The following BMX variants were observed in gnomAD, a reference collection of about 807,000 sequenced individuals.
BMX encodes BMX non-receptor tyrosine kinase.
Under a neutral mutation model 59.2 loss-of-function variants are expected in BMX, and 31 were observed. That is an observed-to-expected ratio of 0.52 (90% CI 0.39 to 0.71). The LOEUF (loss-of-function observed/expected upper bound fraction) is 0.71, where lower values mean the gene tolerates loss of function less well. Among genes scored for constraint, BMX ranks in the 30% least tolerant of loss-of-function variants. BMX has a pLI of 0.00. For synonymous variants in BMX, 185 were observed against 181.0 expected, an observed-to-expected ratio of 1.02 and a Z score of -0.18; for missense variants, 474 against 491.7, an observed-to-expected ratio of 0.96 and a Z score of 0.34.
chrX:15,547,991 A>G (rs1223206729), intron 17 of BMX, among the ~76,000 whole-genome samples: 1 of 111,742 alleles, frequency 8.9e-6, no homozygotes, highest in African/African-American at 3.3e-5. Flanking sequence ...TTATTTCTCT[A>G]TGTGACACAA....
At chrX:15,510,444 G>T (rs1427288293) in intron 3 of BMX, among the ~76,000 whole-genome samples, 1 of 111,811 alleles carries the variant, frequency 8.9e-6, no homozygotes, top group Non-Finnish European at 1.9e-5. Context: ...GGGAGGCCAA[G>T]GAGGGAGGAT....
chrX:15,535,426 A>G (rs1925284207), intron 12 of BMX, among the ~76,000 whole-genome samples: 1 of 111,593 alleles, frequency 9.0e-6, no homozygotes, highest in Non-Finnish European at 1.9e-5. Flanking sequence ...CTTTGCCCCA[A>G]TTTCCTCAAT....
intron 18 of BMX, among the ~76,000 whole-genome samples, chrX:15,551,852 T>C (rs1236562582): frequency 9.0e-6 from 1 of 110,918 alleles, no homozygotes; most frequent in Non-Finnish European, 1.9e-5. Context: ...CAGACTACAG[T>C]GGCCAACAGA....
intron 17 of BMX, 93 bp from the exon 18 acceptor site, chrX:15,549,747 G>T: frequency 9.6e-7 from 1 of 1,038,807 alleles, no homozygotes; most frequent in South Asian, 2.5e-5. Flanking sequence ...TAGCCTTCCT[G>T]ACCTGTTGTG....
intron 18 of BMX, among the ~76,000 whole-genome samples, chrX:15,551,643 G>A (rs1206175811): frequency 9.1e-6 from 1 of 110,035 alleles, no homozygotes; most frequent in Non-Finnish European, 1.9e-5. Flanking sequence ...CTCTTGTACC[G>A]GAGCCTAGAG....
At position 15,542,100 on chromosome X, in the gene BMX, G is replaced by A. The variant is rs751804939; in HGVS notation, c.1513G>A (p.Gly505Arg). 1.8e-5 allele frequency: 22 copies of A among 1,209,820 alleles called. No individual in the cohort carries two copies. The South Asian group carries it at 2.6e-4, about 15-fold the overall frequency. The change falls in exon 15 of 19, where the codon GGA (glycine) becomes AGA (arginine). Residue 505 changes from glycine (G) to arginine (R), a missense_variant. Coordinates refer to ENST00000348343, the MANE Select transcript of BMX (RefSeq NM_203281.3). The part of the protein sequence containing the change: ...GCLLNYLRSH[G>R]KGLEPSQLLE... ...CTTGCTGAATTACCTGAGGAGTCACGGAAAAGGACTTGAACCTTCCCAGCT... is the reference window on the plus strand; with the variant it reads ...CTTGCTGAATTACCTGAGGAGTCACAGAAAAGGACTTGAACCTTCCCAGCT...
chrX:15,531,532 T>C, intron 11 of BMX, 125 bp downstream of exon 11: 1 of 602,088 alleles, frequency 1.7e-6, no homozygotes, highest in Non-Finnish European at 2.6e-6. Context: ...AAAGTATTTC[T>C]ATTGAATGTG....
chrX:15,542,109 C>T lies in BMX; in HGVS notation c.1522C>T (p.Leu508Phe). The T allele has an allele frequency of 8.3e-7, 1 of 1,211,585 alleles. No homozygotes were observed. The highest frequency in any genetic ancestry group is 1.1e-6 in the Non-Finnish European group (1 of 895,342). ...LNYLRSHGKG[L>F]EPSQLLEMCY... ...TTACCTGAGGAGTCACGGAAAAGGA[C>T]TTGAACCTTCCCAGCTCTTAGAAAT... Residue 508 changes from leucine (L) to phenylalanine (F), a missense_variant, in exon 15 of 19, where the codon CTT becomes TTT. Coordinates refer to ENST00000348343, the MANE Select transcript of BMX (RefSeq NM_203281.3).
At chrX:15,518,862 G>T (rs908321949) in intron 6 of BMX, among the ~76,000 whole-genome samples, 2 of 111,752 alleles carry the variant, frequency 1.8e-5, no homozygotes, top group Non-Finnish European at 3.8e-5. Flanking sequence ...CTACTGAAGG[G>T]CAGATCCATA....
In BMX at chrX:15,556,093, A is replaced by T. The variant is rs764749862; in HGVS notation, c.1974A>T (p.Thr658=). The change falls in exon 19 of 19, where the codon ACA becomes ACT. Residue 658 remains threonine (T), a synonymous_variant. Transcript: ENST00000348343. ...TTTAGCTTCCAGAAAAGCGTCCCAC[A>T]TTTCAGCAACTCCTGTCTTCCATTG... ...CWHELPEKRP[T]FQQLLSSIEP... is the part of the protein sequence containing the mutation. 5.1e-5 allele frequency: 61 copies of T among 1,204,670 alleles called. No individual in the cohort carries two copies. In the African/African-American group the frequency reaches 5.8e-4, roughly 11 times the overall value.
At chrX:15,532,068 G>A (rs907781726) in intron 11 of BMX, among the ~76,000 whole-genome samples, 2 of 111,929 alleles carry the variant, frequency 1.8e-5, no homozygotes, top group East Asian at 2.8e-4. Context: ...TGATTGTTAC[G>A]TTCTATGAGT....
chrX:15,555,333 C>A (rs1290247819), intron 18 of BMX, among the ~76,000 whole-genome samples: 1 of 106,748 alleles, frequency 9.4e-6, no homozygotes, highest in Non-Finnish European at 1.9e-5. Flanking sequence ...CCCACCCTCC[C>A]GAGTAGCTTG....
chrX:15,522,298 T>C (rs774739506), intron 6 of BMX, 48 bp from the exon 7 acceptor site: 44 of 1,170,322 alleles, frequency 3.8e-5, no homozygotes, highest in Non-Finnish European at 4.7e-5. Context: ...TCCCGGTACC[T>C]GAATCTGTGC....
chrX:15,534,907 T>C (rs963007226), intron 12 of BMX, among the ~76,000 whole-genome samples: 1 of 111,588 alleles, frequency 9.0e-6, no homozygotes, highest in Non-Finnish European at 1.9e-5. Context: ...TGTAGAATTC[T>C]ATCATAGTTA....
intron 12 of BMX, 116 bp from the exon 13 acceptor site, chrX:15,536,237 T>G: frequency 1.4e-6 from 1 of 699,790 alleles, no homozygotes; most frequent in Non-Finnish European, 2.2e-6. Context: ...ATTACAACAT[T>G]CTGAACTCTT....
chrX:15,552,417 T>C (rs964378682), intron 18 of BMX, among the ~76,000 whole-genome samples: 1 of 112,180 alleles, frequency 8.9e-6, no homozygotes, highest in African/African-American at 3.2e-5. Flanking sequence ...TACCACACTT[T>C]TGAATAATGT....
intron 4 of BMX, among the ~76,000 whole-genome samples, chrX:15,513,263 T>C (rs1035040181): frequency 2.7e-5 from 3 of 112,379 alleles, no homozygotes; most frequent in African/African-American, 9.7e-5. Flanking sequence ...TGCTCTGTTA[T>C]CCTTAGAAGC....
At chrX:15,552,688 G>A (rs926100766) in intron 18 of BMX, among the ~76,000 whole-genome samples, 2 of 112,134 alleles carry the variant, frequency 1.8e-5, no homozygotes, top group South Asian at 7.4e-4. Flanking sequence ...ACACAGGAAG[G>A]AGCACTGTAA....
intron 4 of BMX, among the ~76,000 whole-genome samples, chrX:15,512,427 A>G (rs1026826382): frequency 9.0e-6 from 1 of 111,666 alleles, no homozygotes; most frequent in Non-Finnish European, 1.9e-5. Context: ...AATTACACAC[A>G]GTTACTCCAC....
Sources: gnomAD v4.1 joint callset for allele counts (sites outside exome capture counted in the v4.1 genomes callset) on GRCh38, gnomAD v4.1.1 for gene constraint, MANE v1.5 for transcripts, NCBI Gene and HGNC (gene_info 2026-07-23, HGNC 2026-07-21) for gene names.